SYT9: variants seen among roughly 807,000 people sequenced by gnomAD.
SYT9 encodes the protein synaptotagmin-9.
In SYT9, 22 loss-of-function variants were observed where a neutral mutation model predicts 48.4. The ratio of observed to expected loss-of-function variants is 0.45; its 90% CI spans 0.32 to 0.65. SYT9 has a LOEUF of 0.65. Ranked by LOEUF, SYT9 falls within the 30% of genes least tolerant of loss-of-function variation. The pLI, the probability that SYT9 is intolerant of heterozygous loss-of-function variation, is 0.03. For missense variants in SYT9, 577 were observed against 622.0 expected (o/e 0.93, Z 0.77); for synonymous variants, 265 against 245.0 (o/e 1.08, Z -0.76).
At chr11:7,413,357 A>T (rs146645819) in intron 3 of SYT9, among the ~76,000 whole-genome samples, 1 of 152,182 alleles carries the variant, frequency 6.6e-6, no homozygotes, top group South Asian at 2.1e-4. Flanking sequence ...TCAGAATGTC[A>T]CTGTGCTGCT....
intron 6 of SYT9, among the ~76,000 whole-genome samples, chr11:7,459,242 T>C (rs12278667): frequency 0.31 from 47,484 of 152,154 alleles, 8,938 homozygotes; most frequent in African/African-American, 0.51. Context: ...GAAGCAACTA[T>C]TGGATATCCA....
chr11:7,353,621 A>G (rs1367257707), intron 3 of SYT9, among the ~76,000 whole-genome samples: 1 of 152,150 alleles, frequency 6.6e-6, no homozygotes, highest in East Asian at 1.9e-4. Flanking sequence ...TCTGCTCCTC[A>G]TATCTGCTAA....
At chr11:7,461,177 A>G (rs1848229087) in intron 6 of SYT9, 1 of 152,044 alleles carries the variant, frequency 6.6e-6, no homozygotes, top group African/African-American at 2.4e-5. Context: ...AATTTTTGTT[A>G]TAACTTTTAT....
chr11:7,388,008 T>G (rs1850693512), intron 3 of SYT9, among the ~76,000 whole-genome samples: 1 of 152,304 alleles, frequency 6.6e-6, no homozygotes, highest in South Asian at 2.1e-4. Flanking sequence ...CAAAATATTA[T>G]GTCTAAAAAC....
In SYT9 at chr11:7,269,244, A is replaced by G. The variant is rs1848251566; in HGVS notation, c.145+16913A>G. 3.9e-5 allele frequency among the ~76,000 whole-genome samples: 6 copies of G among 152,122 alleles called. No homozygotes were observed. In the South Asian group the frequency reaches 1.2e-3, roughly 32 times the overall value. ...GGGTGGGAAATGGGCTATTCAGCAA[A>G]TGGGGTTGAGATAATTGAGTAACTA... On this transcript the variant is annotated intron_variant, in intron 1 of 6. Transcript: ENST00000318881.
At chr11:7,464,894 A>T (rs913637843) in intron 6 of SYT9, among the ~76,000 whole-genome samples, 3 of 152,006 alleles carry the variant, frequency 2.0e-5, no homozygotes, top group Non-Finnish European at 2.9e-5. Context: ...CATCATGGCT[A>T]ACACAGTGAA....
chr11:7,369,794 A>AACAC (rs58554896), intron 3 of SYT9, among the ~76,000 whole-genome samples: 15,801 of 143,876 alleles, frequency 0.11, 977 homozygotes, highest in Non-Finnish European at 0.15. Flanking sequence ...CACACACACA[A>AACAC]ACACACACAC....
At chr11:7,332,276 C>T (rs1405377429) in intron 3 of SYT9, among the ~76,000 whole-genome samples, 11 of 152,184 alleles carry the variant, frequency 7.2e-5, no homozygotes. Context: ...CTGTGCTAGT[C>T]TTTCATGGGC....
At chr11:7,281,628 A>T (rs1463869198) in intron 1 of SYT9, among the ~76,000 whole-genome samples, 1 of 152,200 alleles carries the variant, frequency 6.6e-6, no homozygotes, top group Non-Finnish European at 1.5e-5. Flanking sequence ...TATAGAATTT[A>T]TTTGATGTGT....
chr11:7,289,731 A>C (rs1188113279), intron 1 of SYT9, among the ~76,000 whole-genome samples: 2 of 152,218 alleles, frequency 1.3e-5, no homozygotes, highest in Non-Finnish European at 2.9e-5. Context: ...TGTAATCTTA[A>C]GTATTATTTT....
At chr11:7,257,640 G>C (rs959736427) in intron 1 of SYT9, among the ~76,000 whole-genome samples, 2 of 152,122 alleles carry the variant, frequency 1.3e-5, no homozygotes, top group South Asian at 4.2e-4. Context: ...GGATGTTTAT[G>C]AATAGACCTT....
In SYT9 at chr11:7,466,951, G is replaced by C; in HGVS notation, c.*151G>C. ...ACAGCACTAACTGGCCTTCTTTCCA[G>C]ATTGGGTTTGGTGAACCTGAATGGT... On this transcript the variant is annotated 3_prime_UTR_variant, in exon 7 of 7. Coordinates refer to ENST00000318881, the MANE Select transcript of SYT9 (RefSeq NM_175733.4). The C allele has an allele frequency of 2.0e-6, 2 of 1,007,970 alleles. No homozygotes were observed. The highest frequency in any genetic ancestry group is 1.6e-5 in the African/African-American group (1 of 61,224). 62.4% of individuals were successfully genotyped at this position (1,007,970 alleles called of 1,614,324 possible).
chr11:7,304,887 ATT>A (rs1168683519), intron 2 of SYT9, among the ~76,000 whole-genome samples: 1 of 152,146 alleles, frequency 6.6e-6, no homozygotes, highest in Non-Finnish European at 1.5e-5. Flanking sequence ...CTCCATTGAA[ATT>A]TCCATTGAAA....
At chr11:7,332,311 A>G (rs1406614897) in intron 3 of SYT9, among the ~76,000 whole-genome samples, 1 of 152,232 alleles carries the variant, frequency 6.6e-6, no homozygotes, top group Non-Finnish European at 1.5e-5. Context: ...GGGAAAGGGT[A>G]TAACTTGCCT....
At chr11:7,351,257 A>C (rs1337879150) in intron 3 of SYT9, among the ~76,000 whole-genome samples, 1 of 152,160 alleles carries the variant, frequency 6.6e-6, no homozygotes, top group Non-Finnish European at 1.5e-5. Flanking sequence ...TATTATCTGA[A>C]TGTCGTTTGG....
Position 7,313,392 on chromosome 11 carries a change from A to C in SYT9, c.498-3A>C. ...CTTTGTTCTGTGTTGCTCTTCATTCAAGGCATAATTCAATCCGAAGACAAC... is the reference window on the plus strand; with the variant it reads ...CTTTGTTCTGTGTTGCTCTTCATTCCAGGCATAATTCAATCCGAAGACAAC... On this transcript the variant is annotated splice_region_variant and splice_polypyrimidine_tract_variant and intron_variant, in intron 2 of 6. Transcript: ENST00000318881. The C allele has an allele frequency of 6.2e-7, 1 of 1,602,406 alleles. No homozygotes were observed.
intron 3 of SYT9, among the ~76,000 whole-genome samples, chr11:7,351,104 ATTATCT>A (rs1849906776): frequency 6.6e-6 from 1 of 152,228 alleles, no homozygotes; most frequent in Non-Finnish European, 1.5e-5. Context: ...GTTTTAAAAA[ATTATCT>A]TTAATGATTT....
intron 3 of SYT9, among the ~76,000 whole-genome samples, chr11:7,386,237 G>A (rs1850655452): frequency 6.6e-6 from 1 of 152,018 alleles, no homozygotes; most frequent in African/African-American, 2.4e-5. Context: ...ATAGGCATGG[G>A]CAGGGACTTC....
At chr11:7,371,440 T>C (rs2134030893) in intron 3 of SYT9, among the ~76,000 whole-genome samples, 1 of 152,236 alleles carries the variant, frequency 6.6e-6, no homozygotes, top group Middle Eastern at 3.4e-3. Flanking sequence ...ATGTACATTA[T>C]ATTTTTGCTG....
Sources: gnomAD v4.1 joint callset for allele counts (sites outside exome capture counted in the v4.1 genomes callset) on GRCh38, gnomAD v4.1.1 for gene constraint, MANE v1.5 for transcripts, NCBI Gene and HGNC (gene_info 2026-07-23, HGNC 2026-07-21) for gene names.